FNIP2: variants seen among roughly 807,000 people sequenced by gnomAD.
FNIP2 encodes the protein folliculin interacting protein 2, also known as folliculin-interacting protein 2.
In FNIP2, 32 loss-of-function variants were observed where a neutral mutation model predicts 108.7. The ratio of observed to expected loss-of-function variants is 0.29; its 90% confidence interval spans 0.22 to 0.40. The LOEUF (loss-of-function observed/expected upper bound fraction) is 0.40, where lower values mean the gene tolerates loss of function less well. FNIP2 is among the 10% of genes least tolerant of loss of function. The probability of loss-of-function intolerance (pLI) is 1.00; values close to 1 mark genes in which losing one functional copy is unlikely to be tolerated. For missense variants in FNIP2, 1,202 were observed against 1,381.6 expected (o/e 0.87, Z 2.06); for synonymous variants, 480 against 496.7 (o/e 0.97, Z 0.45).
intron 1 of FNIP2, among the ~76,000 whole-genome samples, chr4:158,817,342 A>G (rs563477933): frequency 6.6e-6 from 1 of 152,326 alleles, no homozygotes; most frequent in Admixed American, 6.5e-5. Flanking sequence ...TATCAAAGAC[A>G]GATTATGTTT....
chr4:158,800,065 T>C (rs182797632), intron 1 of FNIP2, among the ~76,000 whole-genome samples: 2 of 152,308 alleles, frequency 1.3e-5, no homozygotes, highest in African/African-American at 4.8e-5. Context: ...ATGAAGTAGT[T>C]ACAAACACAG....
chr4:158,830,329 C>T (rs1046768225), intron 3 of FNIP2, among the ~76,000 whole-genome samples: 6 of 136,760 alleles, frequency 4.4e-5, no homozygotes, highest in African/African-American at 1.6e-4. Context: ...GTGGCGCAAT[C>T]TCGGCTCACT....
chr4:158,861,689 A>G lies in FNIP2; in HGVS notation c.1378A>G (p.Ile460Val). ...TGTCATGCCTGTGGATCACCCTCCC[A>G]TCAAAGCCTTCTCAGAGAAACGTAC... ...PTVMPVDHPPIKAFSEKRTSQ... is the reference protein window; with the variant it reads ...PTVMPVDHPPVKAFSEKRTSQ... Residue 460 changes from isoleucine to valine, a missense_variant, in exon 12 of 17, where the codon ATC becomes GTC. Transcript: ENST00000264433. 6.2e-7 allele frequency: 1 copy of G among 1,613,988 alleles called. No homozygotes were observed. The highest frequency in any genetic ancestry group is 8.5e-7 in the Non-Finnish European group (1 of 1,179,878).
At chr4:158,859,536 A>G in intron 9 of FNIP2, 42 bp from the exon 10 acceptor site, 1 of 1,524,936 alleles carries the variant, frequency 6.6e-7, no homozygotes, top group Non-Finnish European at 9.0e-7. Context: ...TAAGTTATAA[A>G]ATTTCTTCTC....
intron 16 of FNIP2, among the ~76,000 whole-genome samples, chr4:158,898,614 T>G (rs1470475363): frequency 1.3e-5 from 2 of 152,178 alleles, no homozygotes; most frequent in South Asian, 2.1e-4. Flanking sequence ...TGAATAGGAG[T>G]TCACTTGTGA....
rs941645918 is a variant in FNIP2, at chr4:158,891,379, T to C, written c.2950-67T>C. Reference sequence around the variant, plus strand: ...TTTTACATTTAAATGTATTTATCAGTAGTGAAACTTTGACCTTTTGGACTC... The same window carrying C: ...TTTTACATTTAAATGTATTTATCAGCAGTGAAACTTTGACCTTTTGGACTC... On this transcript the variant is annotated intron_variant, in intron 14 of 16. Transcript: ENST00000264433. 13 of 1,375,556 alleles carry C rather than the reference T, an allele frequency of 9.5e-6. No individual in the cohort carries two copies. In the African/African-American group the frequency reaches 1.7e-4, roughly 18 times the overall value. The allele number at this position is 1,375,556 out of a possible 1,614,324, so 85.2% of individuals were successfully genotyped here.
At chr4:158,852,079 G>C (rs928165319) in intron 8 of FNIP2, among the ~76,000 whole-genome samples, 1 of 152,150 alleles carries the variant, frequency 6.6e-6, no homozygotes, top group African/African-American at 2.4e-5. Context: ...AACTGATTTA[G>C]TAAATTGACT....
At chr4:158,808,142 T>A (rs1306783023) in intron 1 of FNIP2, among the ~76,000 whole-genome samples, 1 of 152,190 alleles carries the variant, frequency 6.6e-6, no homozygotes, top group East Asian at 1.9e-4. Flanking sequence ...AAATTCTTTC[T>A]TCTTCTGAGA....
chr4:158,838,703 T>A (rs71609010), intron 7 of FNIP2, among the ~76,000 whole-genome samples: 1 of 152,146 alleles, frequency 6.6e-6, no homozygotes, highest in Non-Finnish European at 1.5e-5. Flanking sequence ...GGTATATTTG[T>A]TACAATTAAT....
chr4:158,872,580 A>G (rs1429999890), intron 14 of FNIP2: 1 of 985,332 alleles, frequency 1.0e-6, no homozygotes, highest in Non-Finnish European at 1.2e-6. Flanking sequence ...GGAAATTCCA[A>G]AGGGTTCATA....
At chr4:158,878,944 A>G (rs1176019532) in intron 14 of FNIP2, among the ~76,000 whole-genome samples, 1 of 140,268 alleles carries the variant, frequency 7.1e-6, no homozygotes, top group Admixed American at 7.1e-5. Flanking sequence ...AACAGAGCAG[A>G]TTAAATACAG....
intron 1 of FNIP2, among the ~76,000 whole-genome samples, chr4:158,814,208 T>G (rs779907721): frequency 3.9e-5 from 6 of 152,202 alleles, no homozygotes; most frequent in South Asian, 2.1e-4. Context: ...GAGAATGTTA[T>G]CCTAACTTGT....
intron 1 of FNIP2, among the ~76,000 whole-genome samples, chr4:158,789,402 G>A (rs933026612): frequency 6.6e-6 from 1 of 152,148 alleles, no homozygotes; most frequent in African/African-American, 2.4e-5. Flanking sequence ...TGTTATGAAG[G>A]ACAGTTCATT....
chr4:158,875,890 A>C lies in FNIP2; in HGVS notation c.2949+5421A>C, dbSNP rs34571061. On this transcript the variant is annotated intron_variant, in intron 14 of 16. Coordinates refer to ENST00000264433, the MANE Select transcript of FNIP2 (RefSeq NM_020840.3). ...TTAAAACTACATATTTTGACCTATA[A>C]ATGGGTTTTGATTACCAGTTTTTTT... is the stretch of plus-strand genomic sequence containing the variant. Among the ~76,000 whole-genome samples, 746 of 152,222 alleles carry C rather than the reference A, an allele frequency of 4.9e-3. 3 individuals are homozygous for C. The Middle Eastern group carries it at 0.054, about 11-fold the overall frequency.
intron 1 of FNIP2, among the ~76,000 whole-genome samples, chr4:158,818,079 A>G (rs755870812): frequency 3.9e-5 from 6 of 152,260 alleles, no homozygotes; most frequent in Non-Finnish European, 7.3e-5. Context: ...TCCTGAACTC[A>G]GAAAGGAAGG....
chr4:158,881,202 C>T (rs1242243857), intron 14 of FNIP2, among the ~76,000 whole-genome samples: 1 of 150,192 alleles, frequency 6.7e-6, no homozygotes, highest in African/African-American at 2.5e-5. Flanking sequence ...CCACGGTCTC[C>T]CTCTCCCTCT....
intron 1 of FNIP2, among the ~76,000 whole-genome samples, chr4:158,807,558 A>T (rs115318478): frequency 1.3e-5 from 2 of 152,102 alleles, no homozygotes; most frequent in South Asian, 4.1e-4. Flanking sequence ...TCTTACAGAA[A>T]TTTTCTCAAA....
intron 12 of FNIP2, among the ~76,000 whole-genome samples, chr4:158,862,951 T>A (rs1222302928): frequency 6.6e-6 from 1 of 152,352 alleles, no homozygotes; most frequent in South Asian, 2.1e-4. Flanking sequence ...GTATTCATAA[T>A]TAGGTGTGCT....
In FNIP2 at chr4:158,828,819, T is replaced by C. The variant is rs1300130295; in HGVS notation, c.235-260T>C. Among the ~76,000 whole-genome samples, 5 of 152,294 alleles carry C rather than the reference T, an allele frequency of 3.3e-5. No individual in the cohort carries two copies. The East Asian group carries it at 7.7e-4, about 23-fold the overall frequency. ...CCAAAACAGAGGTCAATTATGTGAA[T>C]TGAAGTGTAAATAATAGTTAAATTA... On this transcript the variant is annotated intron_variant, in intron 2 of 16. Coordinates refer to ENST00000264433, the MANE Select transcript of FNIP2 (RefSeq NM_020840.3).
Sources: allele counts gnomAD v4.1 joint callset (sites outside exome capture counted in the v4.1 genomes callset), GRCh38; gene constraint gnomAD v4.1.1; transcripts MANE v1.5; gene names NCBI Gene and HGNC (gene_info 2026-07-23, HGNC 2026-07-21).